Variants in COL28A1 observed in about 807,000 individuals in gnomAD.
COL28A1 encodes the protein collagen alpha-1(XXVIII) chain.
A neutral mutation model predicts 150.2 loss-of-function variants in COL28A1; 161 were observed. That is an observed-to-expected ratio of 1.07 (90% CI 0.94 to 1.22). The LOEUF (loss-of-function observed/expected upper bound fraction) is 1.22, where lower values mean the gene tolerates loss of function less well. Among genes scored for constraint, COL28A1 ranks in the 50% most tolerant of loss-of-function variants. COL28A1 has a pLI of 0.00. For missense variants in COL28A1, 1,617 were observed against 1,388.3 expected (o/e 1.16, Z -2.62); for synonymous variants, 552 against 469.7 (o/e 1.18, Z -2.26).
chr7:7,403,802 G>A (rs1583299891), intron 27 of COL28A1, among the ~76,000 whole-genome samples: 1 of 152,252 alleles, frequency 6.6e-6, no homozygotes, highest in South Asian at 2.1e-4. Context: ...TGGTTCAATA[G>A]CTTATAATTT....
At chr7:7,392,398 C>T (rs183137427) in intron 27 of COL28A1, among the ~76,000 whole-genome samples, 159 of 152,260 alleles carry the variant, frequency 1.0e-3, no homozygotes, top group African/African-American at 3.7e-3. Context: ...TCTCTGGCTG[C>T]CCTTAACATT....
intron 25 of COL28A1, among the ~76,000 whole-genome samples, chr7:7,429,082 G>A (rs943807537): frequency 3.9e-5 from 6 of 152,154 alleles, no homozygotes; most frequent in Non-Finnish European, 5.9e-5. Flanking sequence ...TAAATTCATC[G>A]TCAACCTTAA....
rs2128284609 is a variant in COL28A1 at position 7,373,684 on chromosome 7, C to CA, written c.2360-139dup. 2.9e-6 allele frequency: 2 copies of CA among 694,466 alleles called. 1 individual carries two copies. The highest frequency in any genetic ancestry group is 3.7e-5 in the African/African-American group (2 of 54,482). The allele number at this position is 694,466 out of a possible 1,614,324, so 43.0% of individuals were successfully genotyped here. A position where few individuals can be genotyped will look rare whatever the true frequency, so the allele number is the denominator to read the frequency against. The stretch of plus-strand genomic sequence containing the variant: ...TTTCTGTGATTGTGAAAATACCTGA[C>CA]AGCTGTCTCCATTCTGGTTTCTTTT... On this transcript the variant is annotated intron_variant, in intron 31 of 34. Transcript: ENST00000399429. The surrounding 1 kb of genome is among the most constrained non-coding windows in gnomAD (Gnocchi z 4.1).
chr7:7,520,898 G>A (rs959322099), intron 5 of COL28A1, among the ~76,000 whole-genome samples: 2 of 152,192 alleles, frequency 1.3e-5, no homozygotes, highest in East Asian at 1.9e-4. Context: ...TTTAGCCAAA[G>A]TCAGCTTCTA....
chr7:7,515,079 C>G (rs1046825472), intron 8 of COL28A1, among the ~76,000 whole-genome samples: 1 of 152,172 alleles, frequency 6.6e-6, no homozygotes, highest in African/African-American at 2.4e-5. Flanking sequence ...TAGCCTCTTT[C>G]TCATGCCTGA....
At chr7:7,417,652 T>G in intron 27 of COL28A1, 1 of 563,388 alleles carries the variant, frequency 1.8e-6, no homozygotes, top group Non-Finnish European at 3.1e-6. Flanking sequence ...CACCAAGCAA[T>G]TTATATAATG....
At chr7:7,412,553 T>C (rs1026164220) in intron 27 of COL28A1, among the ~76,000 whole-genome samples, 27 of 152,258 alleles carry the variant, frequency 1.8e-4, no homozygotes, top group African/African-American at 6.5e-4. Context: ...GAAATAATAA[T>C]GTGAATAGCT....
intron 14 of COL28A1, among the ~76,000 whole-genome samples, chr7:7,476,817 A>G (rs1051470902): frequency 1.3e-5 from 2 of 152,340 alleles, no homozygotes; most frequent in South Asian, 2.1e-4. Context: ...TTCTGGGCAT[A>G]AGGATGTTAT....
chr7:7,516,926 G>A (rs12702615), intron 7 of COL28A1, among the ~76,000 whole-genome samples: 2,486 of 152,026 alleles, frequency 0.016, 31 homozygotes, highest in Non-Finnish European at 0.027. Flanking sequence ...CTTCATGAAG[G>A]AAATAAAACT....
intron 27 of COL28A1, among the ~76,000 whole-genome samples, chr7:7,382,824 T>C (rs2128289757): frequency 6.6e-6 from 1 of 152,058 alleles, no homozygotes; most frequent in African/African-American, 2.4e-5. Context: ...AAAGGCAAAA[T>C]ATGCATTTTG....
chr7:7,476,437 T>C (rs991676641), intron 14 of COL28A1, among the ~76,000 whole-genome samples: 2 of 152,210 alleles, frequency 1.3e-5, no homozygotes, highest in African/African-American at 4.8e-5. Flanking sequence ...TATAGTTTTA[T>C]TGGAACAGCC....
chr7:7,540,121 T>G (rs932805063), upstream of COL28A1, among the ~76,000 whole-genome samples: 2 of 152,220 alleles, frequency 1.3e-5, no homozygotes, highest in African/African-American at 4.8e-5. Flanking sequence ...CTAAGAAATA[T>G]CTGAAAGTAG....
At position 7,490,634 on chromosome 7, in the gene COL28A1, G is replaced by C. The variant is rs569889991; in HGVS notation, c.1039C>G (p.Pro347Ala). The C allele has an allele frequency of 3.5e-5, 46 of 1,320,082 alleles. No individual in the cohort carries two copies. Among genetic ancestry groups the C allele is most frequent in the Non-Finnish European group, 4.7e-5 (43 of 912,782 alleles). 81.8% of individuals were successfully genotyped at this position (1,320,082 alleles called of 1,614,324 possible). A position where few individuals can be genotyped will look rare whatever the true frequency, so the allele number is the denominator to read the frequency against. ...GFQGNKGEPGPPGPYGSPGAP... is the reference protein window; with the variant it reads ...GFQGNKGEPGAPGPYGSPGAP... ...CCTGGAGAACCATAAGGACCAGGAG[G>C]ACCTGGCTCACCCTGGAGGAAGAAA... The change falls in exon 12 of 35, where the codon CCT becomes GCT. Residue 347 changes from proline (P) to alanine (A), a missense_variant. Coordinates refer to ENST00000399429, the MANE Select transcript of COL28A1 (RefSeq NM_001037763.3).
At chr7:7,370,055 C>T (rs560311964) in intron 33 of COL28A1, among the ~76,000 whole-genome samples, 5 of 152,230 alleles carry the variant, frequency 3.3e-5, no homozygotes, top group Admixed American at 6.5e-5. Flanking sequence ...CTAATATTTG[C>T]CCATAATCTG....
the COL28A1 span, among the ~76,000 whole-genome samples, chr7:7,348,424 C>G: frequency 5.6e-3 from 848 of 152,126 alleles, 6 homozygotes; most frequent in Non-Finnish European, 8.4e-3. Context: ...AAATGCCAAG[C>G]TCATAAGAGA....
At chr7:7,497,823 T>C (rs879066540) in intron 11 of COL28A1, among the ~76,000 whole-genome samples, 3 of 152,178 alleles carry the variant, frequency 2.0e-5, no homozygotes, top group Admixed American at 2.0e-4. Flanking sequence ...GTAATGTAAA[T>C]TATAACTGGC....
At chr7:7,432,784 T>C (rs1785069939) in intron 23 of COL28A1, 84 bp from the exon 24 acceptor site, 2 of 997,408 alleles carry the variant, frequency 2.0e-6, no homozygotes, top group South Asian at 1.3e-5. Flanking sequence ...CAACTCAATA[T>C]GCCAACGGTC....
chr7:7,356,450 C>T (rs1780358888), downstream of COL28A1: 1 of 152,122 alleles, frequency 6.6e-6, no homozygotes, highest in Non-Finnish European at 1.5e-5. Flanking sequence ...CACTGGTGTT[C>T]ATCTTATCAT....
chr7:7,451,651 T>C (rs1228372432), intron 18 of COL28A1, among the ~76,000 whole-genome samples: 2 of 152,168 alleles, frequency 1.3e-5, no homozygotes, highest in African/African-American at 4.8e-5. Flanking sequence ...AATTGACATA[T>C]ATATAACATA....
Sources: allele counts gnomAD v4.1 joint callset (sites outside exome capture counted in the v4.1 genomes callset), GRCh38; gene constraint gnomAD v4.1.1; non-coding constraint Gnocchi (gnomAD v3.1); transcripts MANE v1.5; gene names NCBI Gene and HGNC (gene_info 2026-07-23, HGNC 2026-07-21).